The following PAM variants were observed in gnomAD, a reference collection of about 807,000 sequenced individuals.
The protein encoded by PAM is peptidylglycine alpha-amidating monooxygenase.
Under a neutral mutation model 122.1 loss-of-function variants are expected in PAM, and 72 were observed. The ratio of observed to expected loss-of-function variants is 0.59; its 90% CI spans 0.49 to 0.72. The LOEUF is 0.72. Ranked by LOEUF, PAM falls within the 30% of genes least tolerant of loss-of-function variation. The pLI is 0.00. For missense variants in PAM, 1,106 were observed against 1,183.7 expected (o/e 0.93, Z 0.96); for synonymous variants, 389 against 404.4 (o/e 0.96, Z 0.46).
chr5:102,782,759 GTA>G (rs2149888777), intron 1 of PAM, among the ~76,000 whole-genome samples: 1 of 146,258 alleles, frequency 6.8e-6, no homozygotes, highest in African/African-American at 2.6e-5. Context: ...GTGTGTGTGT[GTA>G]ATTTTATTTA....
chr5:102,839,264 G>T (rs1777911563), intron 1 of PAM, among the ~76,000 whole-genome samples: 1 of 152,122 alleles, frequency 6.6e-6, no homozygotes, highest in South Asian at 2.1e-4. Context: ...TCAGAAATTT[G>T]TTACTGAAAA....
chr5:102,913,908 A>G (rs1347372956), intron 4 of PAM, 26 bp from the exon 5 acceptor site: 7 of 1,303,328 alleles, frequency 5.4e-6, no homozygotes, highest in Non-Finnish European at 7.8e-6. Flanking sequence ...TTGTATTCAC[A>G]TACATGTATT....
In PAM at chr5:102,949,583, T is replaced by C. The variant is rs1240379945; in HGVS notation, c.690T>C (p.His230=). 1 of 1,544,450 alleles carries C rather than the reference T, an allele frequency of 6.5e-7. No homozygotes were observed. Among genetic ancestry groups the C allele is most frequent in the African/African-American group, 1.4e-5 (1 of 73,634 alleles). ...ISCHYKNYPM[H]VFAYRVHTHH... is the part of the protein sequence containing the mutation. ...GCCATTATAAAAATTATCCAATGCA[T>C]GTCTTTGCCTATAGAGTTCACACTC... is the stretch of plus-strand genomic sequence containing the variant. Residue 230 remains histidine (H), a synonymous_variant, in exon 10 of 26, where the codon CAT becomes CAC. Transcript: ENST00000438793.
intron 1 of PAM, among the ~76,000 whole-genome samples, chr5:102,762,523 A>AT (rs113674572): frequency 1.5e-3 from 225 of 150,870 alleles, no homozygotes; most frequent in African/African-American, 1.9e-3. Context: ...GCAATATTAG[A>AT]TTTTTTTTTT....
At chr5:102,955,901 G>A (rs1445240661) in intron 12 of PAM, among the ~76,000 whole-genome samples, 1 of 151,802 alleles carries the variant, frequency 6.6e-6, no homozygotes, top group Non-Finnish European at 1.5e-5. Flanking sequence ...TTGAATGAAA[G>A]GTGAATGATT....
chr5:102,978,130 A>G (rs1372215396), intron 15 of PAM, among the ~76,000 whole-genome samples: 1 of 152,220 alleles, frequency 6.6e-6, no homozygotes, highest in Admixed American at 6.5e-5. Context: ...CTTAAGCAGC[A>G]TTTGTGAGAC....
At chr5:102,980,418 T>C (rs1562118923) in intron 15 of PAM, among the ~76,000 whole-genome samples, 1 of 152,184 alleles carries the variant, frequency 6.6e-6, no homozygotes. Context: ...TTGTTCTTAA[T>C]TGGGGATTAG....
chr5:102,907,747 C>T (rs1357535872), intron 4 of PAM, among the ~76,000 whole-genome samples: 41 of 152,028 alleles, frequency 2.7e-4, no homozygotes, highest in African/African-American at 9.4e-4. Flanking sequence ...TTTTCATGTG[C>T]TTTTTGGCTG....
At chr5:102,905,173 A>T (rs1239722518) in intron 4 of PAM, among the ~76,000 whole-genome samples, 1 of 151,622 alleles carries the variant, frequency 6.6e-6, no homozygotes, top group Non-Finnish European at 1.5e-5. Flanking sequence ...TTGACCACTG[A>T]ACTGTGGTGC....
At chr5:102,971,539 AC>A (rs1453586854) in intron 14 of PAM, among the ~76,000 whole-genome samples, 2 of 152,198 alleles carry the variant, frequency 1.3e-5, no homozygotes, top group Non-Finnish European at 2.9e-5. Flanking sequence ...TTTTGATGTG[AC>A]ACCTAAGATC....
intron 1 of PAM, among the ~76,000 whole-genome samples, chr5:102,803,146 A>AAGGAAGGAAGG (rs1765250860): frequency 7.5e-6 from 1 of 133,604 alleles, no homozygotes; most frequent in Non-Finnish European, 1.6e-5. Context: ...AGAAAGAAAG[A>AAGGAAGGAAGG]AAGGAAGGAA....
At chr5:102,811,721 A>C (rs1767963764) in intron 1 of PAM, among the ~76,000 whole-genome samples, 2 of 152,348 alleles carry the variant, frequency 1.3e-5, no homozygotes, top group South Asian at 4.1e-4. Context: ...TTTGCTGAAA[A>C]TCATAAATTA....
At chr5:102,760,624 C>A (rs1313886928) in intron 1 of PAM, among the ~76,000 whole-genome samples, 1 of 152,186 alleles carries the variant, frequency 6.6e-6, no homozygotes, top group African/African-American at 2.4e-5. Context: ...TAGAAAATTT[C>A]CATCATTGCA....
intron 4 of PAM, among the ~76,000 whole-genome samples, chr5:102,905,194 G>C (rs962264365): frequency 6.6e-6 from 1 of 151,536 alleles, no homozygotes; most frequent in African/African-American, 2.4e-5. Context: ...TGTCTAAAAG[G>C]TGTTTTACAG....
intron 3 of PAM, among the ~76,000 whole-genome samples, chr5:102,898,040 T>C (rs1048765653): frequency 6.6e-6 from 1 of 151,530 alleles, no homozygotes; most frequent in Admixed American, 6.6e-5. Context: ...TGGGGAGTAA[T>C]AGGATATTAT....
downstream of PAM, chr5:103,029,718 C>CTG (rs1785979872): frequency 3.2e-5 from 2 of 63,186 alleles, no homozygotes; most frequent in African/African-American, 2.4e-4. Context: ...AGAGCATTAG[C>CTG]TGTCAGTGTA....
chr5:103,022,597 G>A lies in PAM; in HGVS notation c.2486-2534G>A, dbSNP rs187505286. Among the ~76,000 whole-genome samples the A allele has an allele frequency of 2.2e-3, 335 of 152,246 alleles. 1 individual carries two copies. Among genetic ancestry groups the A allele is most frequent in the African/African-American group, 7.9e-3 (329 of 41,550 alleles). On this transcript the variant is annotated intron_variant, in intron 23 of 25. Coordinates refer to ENST00000438793, the MANE Select transcript of PAM (RefSeq NM_001177306.2). Reference sequence around the variant, plus strand: ...ATCTATAGAGATGCTACAAGGGCTTGCACTCTTATAAGATTTTAAGGCATG... The same window carrying A: ...ATCTATAGAGATGCTACAAGGGCTTACACTCTTATAAGATTTTAAGGCATG...
In PAM at chr5:102,946,852, G is replaced by C. The variant is rs1332674258; in HGVS notation, c.542G>C (p.Cys181Ser). Residue 181 changes from cysteine (C) to serine (S), a missense_variant, in exon 8 of 26, where the codon TGT becomes TCT. This residue lies in a region of PAM where 670 missense variants were observed against 690.3 expected (regional missense o/e 0.97). Coordinates refer to ENST00000438793, the MANE Select transcript of PAM (RefSeq NM_001177306.2). ...GTGTTTTCAGATAATAACAAGGACT[G>C]TTCTGGTGTGTCCTTACACCTCACA... ...ISAFRDNNKD[C>S]SGVSLHLTRL... is the part of the protein sequence containing the mutation. The C allele has an allele frequency of 2.5e-6, 4 of 1,599,068 alleles. No individual in the cohort carries two copies. The highest frequency in any genetic ancestry group is 1.1e-5 in the South Asian group (1 of 90,400).
intron 12 of PAM, among the ~76,000 whole-genome samples, chr5:102,957,290 C>T (rs929542430): frequency 3.9e-5 from 6 of 152,118 alleles, no homozygotes; most frequent in African/African-American, 1.4e-4. Flanking sequence ...TACGTAAGAG[C>T]AAGTCTTACA....
Sources: allele counts gnomAD v4.1 joint callset (sites outside exome capture counted in the v4.1 genomes callset), GRCh38; gene constraint gnomAD v4.1.1; regional missense constraint gnomAD v4.1.1; transcripts MANE v1.5; gene names NCBI Gene and HGNC (gene_info 2026-07-23, HGNC 2026-07-21).